Variants in TOX observed in about 807,000 individuals in gnomAD.
TOX encodes thymocyte selection-associated high mobility group box protein TOX.
A neutral mutation model predicts 53.7 loss-of-function variants in TOX; 11 were observed. That is an observed-to-expected ratio of 0.20 (90% confidence interval 0.13 to 0.34). TOX has a LOEUF of 0.34. Among genes scored for constraint, TOX ranks in the 10% least tolerant of loss-of-function variants. TOX has a pLI of 1.00. For synonymous variants in TOX, 225 were observed against 245.3 expected, an observed-to-expected ratio of 0.92 and a Z score of 0.77; for missense variants, 570 against 664.6, an observed-to-expected ratio of 0.86 and a Z score of 1.56.
At chr8:58,869,541 C>G (rs998409042) in intron 3 of TOX, among the ~76,000 whole-genome samples, 1 of 152,028 alleles carries the variant, frequency 6.6e-6, no homozygotes. Context: ...GCTATGAGAA[C>G]AGTATTACTC....
chr8:58,899,315 CAGAT>C (rs1329378786), intron 3 of TOX, among the ~76,000 whole-genome samples: 1 of 152,224 alleles, frequency 6.6e-6, no homozygotes, highest in Non-Finnish European at 1.5e-5. Context: ...ATAATCAATA[CAGAT>C]AGACACTCTC....
intron 3 of TOX, among the ~76,000 whole-genome samples, chr8:58,853,251 AC>A (rs1160313852): frequency 2.6e-5 from 4 of 152,144 alleles, no homozygotes; most frequent in African/African-American, 9.7e-5. Context: ...CATGATTTGT[AC>A]CTGCCTTTTC....
At chr8:58,844,490 T>C (rs948185353) in intron 4 of TOX, among the ~76,000 whole-genome samples, 1 of 152,122 alleles carries the variant, frequency 6.6e-6, no homozygotes, top group African/African-American at 2.4e-5. Flanking sequence ...AATGCACAAA[T>C]GTGAATTCCT....
intron 5 of TOX, among the ~76,000 whole-genome samples, chr8:58,831,663 C>T (rs3779999): frequency 0.064 from 9,710 of 152,230 alleles, 639 homozygotes; most frequent in African/African-American, 0.16. Context: ...TGATTCTTCT[C>T]TCAAGACATA....
chr8:58,931,820 T>C (rs1274104411), intron 3 of TOX, among the ~76,000 whole-genome samples: 1 of 152,184 alleles, frequency 6.6e-6, no homozygotes, highest in Non-Finnish European at 1.5e-5. Flanking sequence ...CACACATTTG[T>C]ATGAACTCAA....
At chr8:58,810,120 G>A (rs2129163727) in intron 7 of TOX, among the ~76,000 whole-genome samples, 1 of 152,128 alleles carries the variant, frequency 6.6e-6, no homozygotes, top group South Asian at 2.1e-4. Context: ...CAGGTAGCTA[G>A]AACTACAGGT....
intron 1 of TOX, among the ~76,000 whole-genome samples, chr8:58,993,425 C>G (rs1426666875): frequency 2.0e-5 from 3 of 152,144 alleles, no homozygotes; most frequent in Non-Finnish European, 4.4e-5. Context: ...GAAGGATGAA[C>G]CTGTCAAGTA....
chr8:58,881,913 C>T (rs1811390032), intron 3 of TOX, among the ~76,000 whole-genome samples: 1 of 152,134 alleles, frequency 6.6e-6, no homozygotes, highest in South Asian at 2.1e-4. Flanking sequence ...CACTTTTTCT[C>T]AGAGGAGGAA....
intron 1 of TOX, among the ~76,000 whole-genome samples, chr8:59,000,220 C>A (rs771803731): frequency 7.2e-5 from 11 of 152,006 alleles, no homozygotes; most frequent in Non-Finnish European, 1.3e-4. Context: ...CAGATAATAG[C>A]TGAAGGGGTT....
intron 1 of TOX, among the ~76,000 whole-genome samples, chr8:59,106,752 C>T (rs888482763): frequency 1.3e-5 from 2 of 152,132 alleles, no homozygotes; most frequent in African/African-American, 4.8e-5. Flanking sequence ...TTCAGCGAAG[C>T]GTACCAACTA....
At chr8:59,080,668 G>A (rs1255466759) in intron 1 of TOX, among the ~76,000 whole-genome samples, 1 of 152,116 alleles carries the variant, frequency 6.6e-6, no homozygotes, top group African/African-American at 2.4e-5. Flanking sequence ...CTCATGGCTT[G>A]GTGCTGTTGT....
intron 3 of TOX, among the ~76,000 whole-genome samples, chr8:58,910,799 G>C (rs1198762865): frequency 6.6e-6 from 1 of 152,084 alleles, no homozygotes; most frequent in Non-Finnish European, 1.5e-5. Context: ...CTATTTCAGT[G>C]GTCTGAGTCC....
chr8:59,078,129 T>C (rs1352811935), intron 1 of TOX, among the ~76,000 whole-genome samples: 1 of 152,198 alleles, frequency 6.6e-6, no homozygotes, highest in Non-Finnish European at 1.5e-5. Flanking sequence ...CAACCCAAGC[T>C]TGGTGACAAG....
chr8:58,856,326 A>C (rs1810915155), intron 3 of TOX, among the ~76,000 whole-genome samples: 1 of 152,194 alleles, frequency 6.6e-6, no homozygotes, highest in South Asian at 2.1e-4. Flanking sequence ...CTAGATAATA[A>C]TCTCCTTGAT....
chr8:58,882,600 C>T (rs1811401965), intron 3 of TOX, among the ~76,000 whole-genome samples: 1 of 152,122 alleles, frequency 6.6e-6, no homozygotes, highest in Non-Finnish European at 1.5e-5. Flanking sequence ...GAAATTGACC[C>T]ACTTTCTTTA....
chr8:58,954,228 T>C (rs1203745922), intron 2 of TOX, among the ~76,000 whole-genome samples: 8 of 152,302 alleles, frequency 5.3e-5, no homozygotes, highest in East Asian at 1.9e-4. Flanking sequence ...TCTGTTAATA[T>C]ATAAGGGCAC....
intron 3 of TOX, among the ~76,000 whole-genome samples, chr8:58,928,461 G>T (rs1812200852): frequency 6.6e-6 from 1 of 152,170 alleles, no homozygotes; most frequent in African/African-American, 2.4e-5. Context: ...AAGACAATGG[G>T]ATCAGAGTCC....
intron 1 of TOX, among the ~76,000 whole-genome samples, chr8:59,109,263 C>T (rs1380907820): frequency 6.6e-6 from 1 of 152,098 alleles, no homozygotes; most frequent in African/African-American, 2.4e-5. Flanking sequence ...CAACCCGACA[C>T]TAATTCAGTC....
At chr8:58,827,824 C>T (rs1204990079) in intron 5 of TOX, among the ~76,000 whole-genome samples, 1 of 152,192 alleles carries the variant, frequency 6.6e-6, no homozygotes, top group Non-Finnish European at 1.5e-5. Flanking sequence ...CTCTCTGCTA[C>T]CATTAAGTTG....
Sources: gnomAD v4.1 joint callset for allele counts (sites outside exome capture counted in the v4.1 genomes callset) on GRCh38, gnomAD v4.1.1 for gene constraint, MANE v1.5 for transcripts, NCBI Gene and HGNC (gene_info 2026-07-23, HGNC 2026-07-21) for gene names.